The following DMD variants were observed in gnomAD, a reference collection of about 807,000 sequenced individuals.
The protein encoded by DMD is mutant dystrophin.
DMD carries 63 observed loss-of-function variants against 330.1 expected under a neutral mutation model. That is an observed-to-expected ratio of 0.19 (90% CI 0.16 to 0.24). The LOEUF is 0.24. Among genes scored for constraint, DMD ranks in the 10% least tolerant of loss-of-function variants. The pLI, the probability that DMD is intolerant of heterozygous loss-of-function variation, is 1.00. For synonymous variants in DMD, 1,223 were observed against 959.8 expected (o/e 1.27, Z -5.07); for missense variants, 3,344 against 2,684.1 (o/e 1.25, Z -5.43).
At chrX:32,088,515 A>G (rs910183385) in intron 44 of DMD, among the ~76,000 whole-genome samples, 22 of 107,680 alleles carry the variant, frequency 2.0e-4, no homozygotes, top group Non-Finnish European at 4.0e-4. Context: ...AAAAAAAAAA[A>G]AGTACAAATA....
At chrX:32,818,610 G>A (rs1275203799) in intron 5 of DMD, among the ~76,000 whole-genome samples, 6 of 111,907 alleles carry the variant, frequency 5.4e-5, no homozygotes, top group Middle Eastern at 4.6e-3. Flanking sequence ...AAGTTGAAAT[G>A]TCTTTGAGCA....
chrX:32,995,546 T>A (rs906547235), intron 2 of DMD, among the ~76,000 whole-genome samples: 1 of 111,995 alleles, frequency 8.9e-6, no homozygotes, highest in Admixed American at 9.5e-5. Context: ...GTTAGTATTG[T>A]AAGTATGATT....
At chrX:32,498,498 A>G (rs891932331) in intron 19 of DMD, among the ~76,000 whole-genome samples, 7 of 110,657 alleles carry the variant, frequency 6.3e-5, no homozygotes, top group Non-Finnish European at 1.3e-4. Context: ...ACTCTGACCA[A>G]AAGAACTGGA....
intron 55 of DMD, among the ~76,000 whole-genome samples, chrX:31,587,093 A>C (rs1372280807): frequency 8.9e-6 from 1 of 112,114 alleles, no homozygotes; most frequent in Non-Finnish European, 1.9e-5. Context: ...TTAAAAAAGA[A>C]AAAGACACAG....
chrX:32,842,195 T>G (rs747156919), intron 4 of DMD, among the ~76,000 whole-genome samples: 2 of 112,169 alleles, frequency 1.8e-5, no homozygotes, highest in Non-Finnish European at 3.8e-5. Context: ...CAGTGCTGCC[T>G]GTTGACAATC....
At chrX:31,217,315 A>C (rs1008425624) in intron 64 of DMD, among the ~76,000 whole-genome samples, 1 of 112,131 alleles carries the variant, frequency 8.9e-6, no homozygotes, top group Non-Finnish European at 1.9e-5. Context: ...AACTGATTAC[A>C]AACTGGGGAC....
intron 9 of DMD, among the ~76,000 whole-genome samples, chrX:32,648,376 T>A (rs187536893): frequency 9.8e-5 from 11 of 112,144 alleles, no homozygotes; most frequent in Admixed American, 8.5e-4. Flanking sequence ...CTAGATAGAC[T>A]ATTGTTTTTC....
intron 16 of DMD, among the ~76,000 whole-genome samples, chrX:32,564,919 T>C (rs2051505350): frequency 8.9e-6 from 1 of 111,794 alleles, no homozygotes; most frequent in Non-Finnish European, 1.9e-5. Context: ...GAATTTTGAG[T>C]AAAGTTATTC....
At chrX:32,789,565 C>G (rs1453111939) in intron 7 of DMD, among the ~76,000 whole-genome samples, 4 of 112,039 alleles carry the variant, frequency 3.6e-5, no homozygotes, top group Admixed American at 9.5e-5. Flanking sequence ...TTTTATTGGA[C>G]AGTCTTGTGA....
chrX:32,297,797 G>A (rs747678599), intron 42 of DMD, among the ~76,000 whole-genome samples: 4 of 111,293 alleles, frequency 3.6e-5, no homozygotes, highest in South Asian at 3.8e-4. Context: ...AAGAGGGGTC[G>A]GGGAAGACCT....
chrX:32,059,688 A>T (rs1229671750), intron 44 of DMD, among the ~76,000 whole-genome samples: 1 of 111,208 alleles, frequency 9.0e-6, no homozygotes, highest in African/African-American at 3.3e-5. Context: ...GTAGACTTGA[A>T]GGCCAGAAAG....
At chrX:31,692,381 G>T (rs1163670276) in intron 52 of DMD, among the ~76,000 whole-genome samples, 1 of 110,856 alleles carries the variant, frequency 9.0e-6, no homozygotes, top group African/African-American at 3.3e-5. Flanking sequence ...AATGAATTAA[G>T]CCCAAAGTTA....
rs750014233 is a variant in DMD, at chrX:32,565,886, TAAA to T, written c.1813-8_1813-6del. The T allele has an allele frequency of 1.0e-5, 12 of 1,204,117 alleles. No individual in the cohort carries two copies. Among genetic ancestry groups the T allele is most frequent in the Non-Finnish European group, 2.2e-6 (2 of 890,685 alleles). ...TTCTAGATCCGCTTTTAAAACCTGT[TAAA>T]ACAAGAAAGATCACAGAATAAGCCT... On this transcript the variant is annotated splice_region_variant and splice_polypyrimidine_tract_variant and intron_variant, in intron 15 of 78. Coordinates refer to ENST00000357033, the MANE Select transcript of DMD (RefSeq NM_004006.3).
chrX:32,538,521 C>G (rs112440396), intron 17 of DMD, among the ~76,000 whole-genome samples: 4,418 of 111,004 alleles, frequency 0.04, 95 homozygotes, highest in Non-Finnish European at 0.061. Context: ...TGCCTGCACC[C>G]AGGTGAAATA....
intron 51 of DMD, among the ~76,000 whole-genome samples, chrX:31,759,524 C>T (rs916448734): frequency 9.0e-5 from 10 of 111,377 alleles, no homozygotes; most frequent in African/African-American, 2.6e-4. Flanking sequence ...TAATTACTTA[C>T]GTAACACTAT....
chrX:32,276,306 C>T (rs778021911), intron 43 of DMD, among the ~76,000 whole-genome samples: 5 of 112,298 alleles, frequency 4.5e-5, no homozygotes, highest in South Asian at 3.7e-4. Flanking sequence ...CTGGGACACA[C>T]GAACTGCAAT....
intron 44 of DMD, among the ~76,000 whole-genome samples, chrX:31,995,673 C>G (rs1208208211): frequency 1.8e-5 from 2 of 111,443 alleles, no homozygotes; most frequent in Non-Finnish European, 3.8e-5. Flanking sequence ...TTAACTTTCC[C>G]TCATGGGTAG....
chrX:31,284,825 A>AACAC (rs61401043), intron 62 of DMD, among the ~76,000 whole-genome samples: 8,860 of 91,356 alleles, frequency 0.097, 478 homozygotes, highest in Non-Finnish European at 0.15. Flanking sequence ...TAATGGCTTA[A>AACAC]ACACACACAC....
At chrX:32,545,546 T>A (rs781770218) in intron 16 of DMD, among the ~76,000 whole-genome samples, 1 of 111,818 alleles carries the variant, frequency 8.9e-6, no homozygotes, top group Admixed American at 9.5e-5. Flanking sequence ...AATCTCAACA[T>A]CGAAAGTCAA....
Sources: gnomAD v4.1 joint callset for allele counts (sites outside exome capture counted in the v4.1 genomes callset) on GRCh38, gnomAD v4.1.1 for gene constraint, MANE v1.5 for transcripts, NCBI Gene and HGNC (gene_info 2026-07-23, HGNC 2026-07-21) for gene names.